Variants in IARS2 observed in about 807,000 individuals in gnomAD.
The protein encoded by IARS2 is isoleucyl-tRNA synthetase 2, mitochondrial, also known as isoleucine--tRNA ligase, mitochondrial.
IARS2 carries 56 observed loss-of-function variants against 126.3 expected under a neutral mutation model. The observed-to-expected ratio is 0.44, with a 90% CI of 0.36 to 0.55. The LOEUF is 0.55. Among genes scored for constraint, IARS2 ranks in the 20% least tolerant of loss-of-function variants. The pLI, the probability that IARS2 is intolerant of heterozygous loss-of-function variation, is 0.00. For missense variants in IARS2, 1,127 were observed against 1,245.9 expected (o/e 0.90, Z 1.44); for synonymous variants, 407 against 441.1 (o/e 0.92, Z 0.97).
intron 7 of IARS2, among the ~76,000 whole-genome samples, 160 bp downstream of exon 7, chr1:220,102,937 CT>C (rs1656607741): frequency 6.6e-6 from 1 of 151,858 alleles, no homozygotes; most frequent in Non-Finnish European, 1.5e-5. Flanking sequence ...TTAGGTGATC[CT>C]TTTTATGACC....
At chr1:220,119,371 C>T (rs1656991792) in intron 12 of IARS2, among the ~76,000 whole-genome samples, 1 of 151,986 alleles carries the variant, frequency 6.6e-6, no homozygotes, top group Non-Finnish European at 1.5e-5. Context: ...AGTGGTTTCA[C>T]CCACTTTTAT....
intron 14 of IARS2, among the ~76,000 whole-genome samples, chr1:220,128,502 T>A (rs185561199): frequency 2.0e-5 from 3 of 152,320 alleles, no homozygotes; most frequent in Admixed American, 2.0e-4. Context: ...AAGTACACTC[T>A]ATGATGTTCA....
intron 12 of IARS2, among the ~76,000 whole-genome samples, chr1:220,124,880 ACAGTGT>A (rs995574245): frequency 2.6e-5 from 4 of 152,236 alleles, no homozygotes; most frequent in Non-Finnish European, 4.4e-5. Flanking sequence ...TTGGACTGAT[ACAGTGT>A]CAGTGGGAAC....
chr1:220,109,722 AAACTTGATTAC>A (rs1348741123), intron 10 of IARS2, among the ~76,000 whole-genome samples: 1 of 152,190 alleles, frequency 6.6e-6, no homozygotes, highest in Non-Finnish European at 1.5e-5. Context: ...GACCTCATCT[AAACTTGATTAC>A]ATCTGCAGAG....
Position 220,111,598 on chromosome 1 carries a change from ATGTG to A in IARS2, c.1479+685_1479+688del, listed in dbSNP as rs34903707. Among the ~76,000 whole-genome samples, 192 of 134,840 alleles carry A rather than the reference ATGTG, an allele frequency of 1.4e-3. 1 individual carries two copies. The highest frequency in any genetic ancestry group is 3.7e-3 in the Middle Eastern group (1 of 268). The allele number at this position is 134,840 out of a possible 152,430, so 88.5% of individuals were successfully genotyped here. A position where few individuals can be genotyped will look rare whatever the true frequency, so the allele number is the denominator to read the frequency against. On this transcript the variant is annotated intron_variant, in intron 11 of 22. Coordinates refer to ENST00000366922, the MANE Select transcript of IARS2 (RefSeq NM_018060.4). Reference sequence around the variant, plus strand: ...TGGGTATATATATATATATATATATATGTGTGTGTGTGTGTGTGTGTGTGTGTAA... The same window carrying A: ...TGGGTATATATATATATATATATATATGTGTGTGTGTGTGTGTGTGTGTAA...
intron 9 of IARS2, 146 bp from the exon 10 acceptor site, chr1:220,106,915 A>C (rs1210579313): frequency 3.3e-6 from 2 of 611,084 alleles, no homozygotes; most frequent in African/African-American, 3.7e-5. Flanking sequence ...TATAGGCCTG[A>C]GTGCCGCGCC....
intron 10 of IARS2, among the ~76,000 whole-genome samples, chr1:220,107,834 T>A (rs1338935414): frequency 6.6e-6 from 1 of 152,228 alleles, no homozygotes; most frequent in Non-Finnish European, 1.5e-5. Context: ...CTGGAAATCC[T>A]TGGCATTCCT....
rs1656624440 is a variant in IARS2 at position 220,103,536 on chromosome 1, C to T, written c.1040C>T (p.Thr347Ile). ...VASVASTLET[T>I]FETISTLSGV... is the part of the protein sequence containing the mutation. ...TCTGTTGCTTCTACTTTGGAAACAA[C>T]ATTTGAGACTATTTCAACACTTTCA... The change falls in exon 8 of 23, where the codon ACA (threonine) becomes ATA (isoleucine). Residue 347 changes from threonine to isoleucine, a missense_variant. Physicochemically the swap from Thr to Ile is moderately conservative, Grantham distance 89. Transcript: ENST00000366922. 7 of 1,610,976 alleles carry T rather than the reference C, an allele frequency of 4.3e-6. No individual in the cohort carries two copies. Among genetic ancestry groups the T allele is most frequent in the Middle Eastern group, 3.3e-4 (2 of 6,070 alleles).
intron 8 of IARS2, 49 bp downstream of exon 8, chr1:220,103,611 G>C: frequency 8.4e-7 from 1 of 1,197,564 alleles, no homozygotes; most frequent in Non-Finnish European, 1.2e-6. Context: ...GTATTGGGCT[G>C]ACTTGAATTT....
chr1:220,134,404 C>T lies in IARS2; in HGVS notation c.1840C>T (p.Pro614Ser). ...GTSWSYVLPG[P>S]DQRADLYLEG... ...TTCTTTTAATACTTAATTTTGAGGT[C>T]CTGACCAAAGAGCAGATTTGTACTT... The change falls in exon 15 of 23, where the codon CCT becomes TCT. Residue 614 changes from proline to serine, a missense_variant and splice_region_variant. By Grantham distance (74) the Pro-to-Ser change is moderately conservative. Transcript: ENST00000366922. The T allele has an allele frequency of 1.3e-6, 2 of 1,588,264 alleles. No homozygotes were observed. The highest frequency in any genetic ancestry group is 8.5e-7 in the Non-Finnish European group (1 of 1,169,774).
chr1:220,125,365 C>T (rs760995088), intron 13 of IARS2, 26 bp downstream of exon 13: 16 of 1,382,730 alleles, frequency 1.2e-5, no homozygotes, highest in South Asian at 3.5e-5. Context: ...TATTTAACAG[C>T]CTTTGTATGT....
chr1:220,135,973 G>A (rs1571862226), intron 15 of IARS2, among the ~76,000 whole-genome samples: 1 of 152,068 alleles, frequency 6.6e-6, no homozygotes, highest in East Asian at 1.9e-4. Context: ...TCTCCTTGCT[G>A]TCTCTGTAGT....
At position 220,112,386 on chromosome 1, in the gene IARS2, G is replaced by A. The variant is rs1305277394; in HGVS notation, c.1479+1449G>A. Among the ~76,000 whole-genome samples, 10 of 60,988 alleles carry A rather than the reference G, an allele frequency of 1.6e-4. 2 individuals carry two copies. Among genetic ancestry groups the A allele is most frequent in the Non-Finnish European group, 3.0e-4 (9 of 29,656 alleles). The allele number at this position is 60,988 out of a possible 152,430, so 40.0% of individuals were successfully genotyped here. On this transcript the variant is annotated intron_variant, in intron 11 of 22. Coordinates refer to ENST00000366922, the MANE Select transcript of IARS2 (RefSeq NM_018060.4). ...CCTGACCTCATGATCCACCCGCCTC[G>A]GCCTCCCAAAGTGCTGGGATTACAG...
At chr1:220,144,335 C>A in intron 21 of IARS2, 1 of 732,672 alleles carries the variant, frequency 1.4e-6, no homozygotes, top group Non-Finnish European at 2.5e-6. Flanking sequence ...TCAGCCAGGA[C>A]ATTCATGCGC....
intron 10 of IARS2, among the ~76,000 whole-genome samples, chr1:220,110,086 G>T (rs1441639299): frequency 1.3e-5 from 2 of 151,858 alleles, no homozygotes; most frequent in Non-Finnish European, 2.9e-5. Context: ...ACAGAGTCTC[G>T]CTTTGTTGCC....
rs1420805866 is a variant in IARS2 at position 220,125,287 on chromosome 1, T to C, written c.1691T>C (p.Ile564Thr). The change falls in exon 13 of 23, where the codon ATC becomes ACC. Residue 564 changes from isoleucine (I) to threonine (T), a missense_variant. Coordinates refer to ENST00000366922, the MANE Select transcript of IARS2 (RefSeq NM_018060.4). ...VKLVEQHGSD[I>T]WWTLPPEQLL... ...CTAGTGGAACAACACGGCAGTGATA[T>C]CTGGTGGACTCTTCCCCCTGAACAA... The C allele has an allele frequency of 1.9e-6, 3 of 1,613,754 alleles. No individual in the cohort carries two copies. The highest frequency in any genetic ancestry group is 2.2e-5 in the East Asian group (1 of 44,868).
At position 220,126,795 on chromosome 1, in the gene IARS2, T is replaced by C. The variant is rs1459908375; in HGVS notation, c.1789T>C (p.Leu597=). The change falls in exon 14 of 23, where the codon TTG becomes CTG. Residue 597 remains leucine, a synonymous_variant. Transcript: ENST00000366922. ...GGAATATGTGCCAGGTCAGGATATTTTGGACATCTGGTTTGATAGCGGAAC... is the reference window on the plus strand; with the variant it reads ...GGAATATGTGCCAGGTCAGGATATTCTGGACATCTGGTTTGATAGCGGAAC... ...ALEYVPGQDI[L]DIWFDSGTSW... 2 of 1,613,432 alleles carry C rather than the reference T, an allele frequency of 1.2e-6. No individual in the cohort carries two copies. The highest frequency in any genetic ancestry group is 2.7e-5 in the African/African-American group (2 of 74,908).
chr1:220,138,752 G>C (rs1157804636), intron 17 of IARS2, among the ~76,000 whole-genome samples: 1 of 152,010 alleles, frequency 6.6e-6, no homozygotes, highest in African/African-American at 2.4e-5. Context: ...TTGCCCCAAC[G>C]TAATAAAGAA....
intron 10 of IARS2, among the ~76,000 whole-genome samples, chr1:220,108,029 G>A (rs1388367552): frequency 6.6e-6 from 1 of 152,092 alleles, no homozygotes; most frequent in Non-Finnish European, 1.5e-5. Flanking sequence ...CTCCTGAGCA[G>A]ATGGGATTAC....
Sources: gnomAD v4.1 joint callset for allele counts (sites outside exome capture counted in the v4.1 genomes callset) on GRCh38, gnomAD v4.1.1 for gene constraint, MANE v1.5 for transcripts, NCBI Gene and HGNC (gene_info 2026-07-23, HGNC 2026-07-21) for gene names.